LEMD3: variants seen among roughly 807,000 people sequenced by gnomAD.
LEMD3 encodes the protein inner nuclear membrane protein Man1.
In LEMD3, 33 loss-of-function variants were observed where a neutral mutation model predicts 95.2. The observed-to-expected ratio is 0.35, with a 90% confidence interval of 0.26 to 0.46. The LOEUF (loss-of-function observed/expected upper bound fraction) is 0.46, where lower values mean the gene tolerates loss of function less well. Among genes scored for constraint, LEMD3 ranks in the 20% least tolerant of loss-of-function variants. The probability of loss-of-function intolerance (pLI) is 1.00; values close to 1 mark genes in which losing one functional copy is unlikely to be tolerated. For missense variants in LEMD3, 1,210 were observed against 1,192.8 expected (o/e 1.01, Z -0.21); for synonymous variants, 525 against 474.6 (o/e 1.11, Z -1.38).
intron 1 of LEMD3, among the ~76,000 whole-genome samples, chr12:65,197,594 G>A (rs189651844): frequency 5.3e-5 from 8 of 152,150 alleles, no homozygotes; most frequent in Admixed American, 4.6e-4. Flanking sequence ...ACATACTTAA[G>A]TGTCTCTGTT....
intron 1 of LEMD3, among the ~76,000 whole-genome samples, chr12:65,176,531 A>C (rs1868725513): frequency 6.6e-6 from 1 of 152,194 alleles, no homozygotes; most frequent in Non-Finnish European, 1.5e-5. Flanking sequence ...CATCCTTCAT[A>C]GTATTTAGGA....
chr12:65,217,346 C>G (rs1426545969), intron 3 of LEMD3, among the ~76,000 whole-genome samples: 4 of 152,180 alleles, frequency 2.6e-5, no homozygotes, highest in Non-Finnish European at 5.9e-5. Context: ...GACCCATGGG[C>G]TGTAATTTGC....
At chr12:65,240,729 A>AG (rs1870910757) in intron 8 of LEMD3, 180 bp from the exon 9 acceptor site, 1 of 623,600 alleles carries the variant, frequency 1.6e-6, no homozygotes, top group Non-Finnish European at 2.8e-6. Context: ...TTTGTGCTCT[A>AG]GCTCTGGAAA....
In LEMD3 at chr12:65,170,301, G is replaced by A. The variant is rs1448404566; in HGVS notation, c.705G>A (p.Glu235=). ...GTGAGGAGAGGGACCCGGAGACCGA[G>A]GAGCCGCTCTGGGCGAGCCGGACCG... ...EDGEERDPET[E]EPLWASRTVN... is the part of the protein sequence containing the mutation. Residue 235 remains glutamate, a synonymous_variant, in exon 1 of 13, where the codon GAG becomes GAA. Coordinates refer to ENST00000308330, the MANE Select transcript of LEMD3 (RefSeq NM_014319.5). The A allele has an allele frequency of 3.2e-6, 5 of 1,584,674 alleles. No individual in the cohort carries two copies. In the Admixed American group the frequency reaches 7.3e-5, roughly 23 times the overall value.
chr12:65,218,940 C>T (rs1045785022), intron 4 of LEMD3, among the ~76,000 whole-genome samples: 9 of 151,998 alleles, frequency 5.9e-5, no homozygotes, highest in Non-Finnish European at 1.0e-4. Flanking sequence ...AGGCACCCAC[C>T]ACCTCGCCCA....
intron 4 of LEMD3, among the ~76,000 whole-genome samples, chr12:65,226,321 G>A (rs1450228009): frequency 6.6e-6 from 1 of 152,132 alleles, no homozygotes; most frequent in Non-Finnish European, 1.5e-5. Flanking sequence ...TGAGTGATAT[G>A]AATTTTCCTA....
At chr12:65,181,630 G>A (rs1193670061) in intron 1 of LEMD3, among the ~76,000 whole-genome samples, 1 of 152,098 alleles carries the variant, frequency 6.6e-6, no homozygotes, top group African/African-American at 2.4e-5. Context: ...AAAAGAAATA[G>A]TTGGCTAATT....
chr12:65,211,675 G>C (rs537903375), intron 2 of LEMD3, among the ~76,000 whole-genome samples: 2 of 152,140 alleles, frequency 1.3e-5, no homozygotes, highest in Non-Finnish European at 2.9e-5. Flanking sequence ...ATTACTTTCT[G>C]TTGTTAAAGT....
At chr12:65,187,152 G>C (rs574744735) in intron 1 of LEMD3, among the ~76,000 whole-genome samples, 2 of 151,984 alleles carry the variant, frequency 1.3e-5, no homozygotes, top group Non-Finnish European at 2.9e-5. Context: ...GATTTAAAAG[G>C]GTTTTAGAAG....
chr12:65,225,729 C>T (rs146449546), intron 4 of LEMD3, among the ~76,000 whole-genome samples: 12 of 152,210 alleles, frequency 7.9e-5, no homozygotes, highest in African/African-American at 2.4e-4. Context: ...TACAGGTGCC[C>T]GCCACCATGC....
intron 4 of LEMD3, among the ~76,000 whole-genome samples, chr12:65,219,544 C>G (rs945943916): frequency 6.6e-6 from 1 of 152,156 alleles, no homozygotes; most frequent in Admixed American, 6.5e-5. Flanking sequence ...AATTTCATGC[C>G]TCCCATCCCC....
intron 9 of LEMD3, 106 bp downstream of exon 9, chr12:65,241,193 T>G: frequency 1.1e-6 from 1 of 936,760 alleles, no homozygotes; most frequent in Non-Finnish European, 1.7e-6. Flanking sequence ...AAGGCAAAAC[T>G]CTCTCGTTCT....
chr12:65,242,018 A>G (rs986011901), intron 9 of LEMD3, among the ~76,000 whole-genome samples: 1 of 152,222 alleles, frequency 6.6e-6, no homozygotes, highest in Non-Finnish European at 1.5e-5. Context: ...CTGTACATGT[A>G]TCCCAGAACT....
At chr12:65,196,951 G>A (rs1261153028) in intron 1 of LEMD3, among the ~76,000 whole-genome samples, 1 of 152,126 alleles carries the variant, frequency 6.6e-6, no homozygotes, top group South Asian at 2.1e-4. Context: ...TATGAATTGG[G>A]CAGCACTCAG....
intron 1 of LEMD3, among the ~76,000 whole-genome samples, chr12:65,192,915 TAGCCATTATCA>T (rs1869289519): frequency 6.6e-6 from 1 of 152,222 alleles, no homozygotes; most frequent in Non-Finnish European, 1.5e-5. Flanking sequence ...AAAACAAAGC[TAGCCATTATCA>T]AGTTATTTCC....
rs151162942 is a variant in LEMD3 at position 65,238,036 on chromosome 12, A to C, written c.1696-466A>C. ...GTAATCCCAGCACTTTGGGAGTCCA[A>C]GGCTGGCGGATCACTTGAGGTCAGG... On this transcript the variant is annotated intron_variant, in intron 4 of 12. Transcript: ENST00000308330. 2.0e-3 allele frequency among the ~76,000 whole-genome samples: 300 copies of C among 152,324 alleles called. 1 individual carries two copies. Among genetic ancestry groups the C allele is most frequent in the African/African-American group, 7.0e-3 (291 of 41,572 alleles).
chr12:65,243,928 CAATAT>C (rs1245956112), intron 10 of LEMD3, among the ~76,000 whole-genome samples: 1 of 152,144 alleles, frequency 6.6e-6, no homozygotes, highest in Non-Finnish European at 1.5e-5. Flanking sequence ...CTCCACTTGT[CAATAT>C]AATATTTGAA....
intron 1 of LEMD3, among the ~76,000 whole-genome samples, chr12:65,180,132 G>C (rs1271852450): frequency 1.3e-5 from 2 of 151,804 alleles, no homozygotes; most frequent in African/African-American, 4.8e-5. Flanking sequence ...TTTTAGTAGA[G>C]ATGAGGTTTC....
chr12:65,233,389 G>A (rs951326494), intron 4 of LEMD3, among the ~76,000 whole-genome samples: 1 of 152,148 alleles, frequency 6.6e-6, no homozygotes, highest in African/African-American at 2.4e-5. Flanking sequence ...ATTTAAGGTT[G>A]TACATATAGC....
Sources: gnomAD v4.1 joint callset for allele counts (sites outside exome capture counted in the v4.1 genomes callset) on GRCh38, gnomAD v4.1.1 for gene constraint, MANE v1.5 for transcripts, NCBI Gene and HGNC (gene_info 2026-07-23, HGNC 2026-07-21) for gene names.